ARHGAP24: variants seen among roughly 807,000 people sequenced by gnomAD.
ARHGAP24 encodes the protein rho GTPase-activating protein 24.
A neutral mutation model predicts 76.4 loss-of-function variants in ARHGAP24; 50 were observed. The observed-to-expected ratio is 0.65, with a 90% CI of 0.52 to 0.83. The LOEUF (loss-of-function observed/expected upper bound fraction) is 0.83. ARHGAP24 is among the 40% of genes least tolerant of loss of function. The pLI is 0.00. For missense variants in ARHGAP24, 930 were observed against 914.2 expected, an observed-to-expected ratio of 1.02 and a Z score of -0.22; for synonymous variants, 345 against 323.3, an observed-to-expected ratio of 1.07 and a Z score of -0.72.
chr4:85,923,726 G>C lies in ARHGAP24; in HGVS notation c.347G>C (p.Trp116Ser). 6.2e-7 allele frequency: 1 copy of C among 1,613,978 alleles called. No homozygotes were observed. The highest frequency in any genetic ancestry group is 8.5e-7 in the Non-Finnish European group (1 of 1,179,950). ...AGCACCCAGAATGATATGGAAGACT[G>C]GGTGAAGTCAATCCGCCGAGTCATA... ...MASTQNDMED[W>S]VKSIRRVIWG... is the part of the protein sequence containing the mutation. The change falls in exon 4 of 10, where the codon TGG (tryptophan) becomes TCG (serine). Residue 116 changes from tryptophan (W) to serine (S), a missense_variant. Coordinates refer to ENST00000395184, the MANE Select transcript of ARHGAP24 (RefSeq NM_001025616.3).
chr4:85,903,917 T>A (rs967225015), intron 3 of ARHGAP24, among the ~76,000 whole-genome samples: 2 of 152,178 alleles, frequency 1.3e-5, no homozygotes, highest in African/African-American at 4.8e-5. Flanking sequence ...TATTTTCCTT[T>A]CTTGAGTTTT....
chr4:85,942,451 T>C (rs1033652866), intron 5 of ARHGAP24, 178 bp downstream of exon 5: 22 of 664,536 alleles, frequency 3.3e-5, no homozygotes, highest in Non-Finnish European at 5.1e-5. Context: ...ATTGGGCACC[T>C]TAGATATCTT....
At chr4:85,600,796 T>A (rs1420669418) in intron 2 of ARHGAP24, among the ~76,000 whole-genome samples, 2 of 152,186 alleles carry the variant, frequency 1.3e-5, no homozygotes, top group African/African-American at 4.8e-5. Context: ...GCAACTCCCA[T>A]GAAGACAAAA....
At chr4:85,916,367 G>A (rs1735394372) in intron 3 of ARHGAP24, among the ~76,000 whole-genome samples, 1 of 152,120 alleles carries the variant, frequency 6.6e-6, no homozygotes, top group Non-Finnish European at 1.5e-5. Context: ...TAGGTTGCAT[G>A]TTCACTCTGA....
chr4:85,500,020 A>G (rs1020525119), intron 1 of ARHGAP24, among the ~76,000 whole-genome samples: 2 of 152,302 alleles, frequency 1.3e-5, no homozygotes, highest in African/African-American at 4.8e-5. Context: ...TTAGCATCCA[A>G]ATTGAGATGT....
At chr4:85,826,149 C>G (rs1393119094) in intron 3 of ARHGAP24, among the ~76,000 whole-genome samples, 1 of 152,132 alleles carries the variant, frequency 6.6e-6, no homozygotes, top group Non-Finnish European at 1.5e-5. Context: ...CTCTGTTCCC[C>G]GCCCCTCTCC....
chr4:85,680,718 C>A (rs1423412349), intron 2 of ARHGAP24, among the ~76,000 whole-genome samples: 1 of 150,972 alleles, frequency 6.6e-6, no homozygotes. Flanking sequence ...ATTCTGAAAC[C>A]AAACCCATGT....
chr4:85,711,543 C>G (rs1724527974), intron 2 of ARHGAP24, among the ~76,000 whole-genome samples: 1 of 151,946 alleles, frequency 6.6e-6, no homozygotes, highest in African/African-American at 2.4e-5. Flanking sequence ...TTTTAAAAAT[C>G]AAATTCAGAA....
chr4:85,497,702 C>T (rs1008651828), intron 1 of ARHGAP24, among the ~76,000 whole-genome samples: 1 of 152,066 alleles, frequency 6.6e-6, no homozygotes, highest in African/African-American at 2.4e-5. Context: ...GGCCTATAAT[C>T]CTAGCTAAAT....
chr4:85,949,942 C>A (rs1272184017), intron 5 of ARHGAP24, among the ~76,000 whole-genome samples: 1 of 152,104 alleles, frequency 6.6e-6, no homozygotes, highest in East Asian at 1.9e-4. Context: ...AAGTCATGGG[C>A]AGATAAACAA....
chr4:85,721,781 G>C (rs962873884), intron 2 of ARHGAP24, 104 bp from the exon 3 acceptor site: 4 of 966,072 alleles, frequency 4.1e-6, no homozygotes, highest in Non-Finnish European at 4.9e-6. Flanking sequence ...GCATCTTACT[G>C]TATACTGGGT....
At chr4:85,951,245 A>C (rs959644885) in intron 5 of ARHGAP24, among the ~76,000 whole-genome samples, 4 of 152,160 alleles carry the variant, frequency 2.6e-5, no homozygotes, top group Non-Finnish European at 5.9e-5. Context: ...GGCAAAATGT[A>C]ATTGTGAGAT....
intron 3 of ARHGAP24, among the ~76,000 whole-genome samples, chr4:85,910,774 TCCGTGGGCTG>T (rs898360507): frequency 6.6e-6 from 1 of 151,974 alleles, no homozygotes; most frequent in Non-Finnish European, 1.5e-5. Flanking sequence ...ACACAACTGG[TCCGTGGGCTG>T]CCATGGGCAG....
At chr4:85,865,470 TTAG>T (rs1732142045) in intron 3 of ARHGAP24, among the ~76,000 whole-genome samples, 1 of 147,156 alleles carries the variant, frequency 6.8e-6, no homozygotes, top group African/African-American at 2.5e-5. Flanking sequence ...TAATAAATAA[TTAG>T]TAGTATAAAC....
chr4:85,535,788 G>A lies in ARHGAP24; in HGVS notation c.-20-34734G>A, dbSNP rs191918969. Among the ~76,000 whole-genome samples the A allele has an allele frequency of 4.6e-5, 7 of 152,160 alleles. No individual in the cohort carries two copies. In the South Asian group the frequency reaches 6.2e-4, roughly 14 times the overall value. ...TCCCCCCTATCTAGTTTTAGAAACC[G>A]GTATTCCTAAGTTATGGCTTTATTT... On this transcript the variant is annotated intron_variant, in intron 1 of 9. Transcript: ENST00000395184.
intron 2 of ARHGAP24, among the ~76,000 whole-genome samples, chr4:85,583,778 A>C (rs1190644126): frequency 6.6e-6 from 1 of 151,416 alleles, no homozygotes; most frequent in Non-Finnish European, 1.5e-5. Flanking sequence ...AAAAGTGGGC[A>C]AAGGACATGA....
At chr4:85,818,603 A>C (rs1729342574) in intron 3 of ARHGAP24, among the ~76,000 whole-genome samples, 1 of 152,206 alleles carries the variant, frequency 6.6e-6, no homozygotes, top group East Asian at 1.9e-4. Context: ...GATCATCAAA[A>C]GGGCCTCAGT....
intron 2 of ARHGAP24, among the ~76,000 whole-genome samples, chr4:85,654,720 G>GGAA (rs34211076): frequency 0.36 from 55,080 of 151,800 alleles, 11,049 homozygotes; most frequent in East Asian, 0.84. Flanking sequence ...AACGGGAGTG[G>GGAA]GATTGGGAAG....
chr4:85,538,802 C>G (rs1725571165), intron 1 of ARHGAP24, among the ~76,000 whole-genome samples: 1 of 152,088 alleles, frequency 6.6e-6, no homozygotes, highest in Non-Finnish European at 1.5e-5. Flanking sequence ...AATAATCAAA[C>G]TCAACAAATT....
Sources: gnomAD v4.1 joint callset for allele counts (sites outside exome capture counted in the v4.1 genomes callset) on GRCh38, gnomAD v4.1.1 for gene constraint, MANE v1.5 for transcripts, NCBI Gene and HGNC (gene_info 2026-07-23, HGNC 2026-07-21) for gene names.